CDK14: variants seen among roughly 807,000 people sequenced by gnomAD.
CDK14 encodes the protein cyclin dependent kinase 14.
Under a neutral mutation model 60.7 loss-of-function variants are expected in CDK14, and 34 were observed. The ratio of observed to expected loss-of-function variants is 0.56; its 90% CI spans 0.43 to 0.75. CDK14 has a LOEUF of 0.75. Ranked by LOEUF, CDK14 falls within the 30% of genes least tolerant of loss-of-function variation. CDK14 has a pLI of 0.00. For missense variants in CDK14, 482 were observed against 564.1 expected, an observed-to-expected ratio of 0.85 and a Z score of 1.47; for synonymous variants, 197 against 203.7, an observed-to-expected ratio of 0.97 and a Z score of 0.28.
At chr7:91,011,862 C>A (rs948329846) in intron 10 of CDK14, among the ~76,000 whole-genome samples, 1 of 151,554 alleles carries the variant, frequency 6.6e-6, no homozygotes, top group African/African-American at 2.4e-5. Flanking sequence ...TATGGAATAC[C>A]TATGTAATTT....
At chr7:91,120,335 AT>A (rs142471632) in intron 14 of CDK14, among the ~76,000 whole-genome samples, 8,284 of 152,244 alleles carry the variant, frequency 0.054, 386 homozygotes, top group East Asian at 0.23. Flanking sequence ...TTGAAAAGAG[AT>A]TTTTTTAAAA....
At chr7:90,796,872 T>G (rs899058413) in intron 5 of CDK14, among the ~76,000 whole-genome samples, 15 of 151,904 alleles carry the variant, frequency 9.9e-5, no homozygotes, top group African/African-American at 3.6e-4. Flanking sequence ...ATGTATAACA[T>G]TTTTGTGGAA....
At chr7:90,774,989 A>C (rs930661796) in intron 4 of CDK14, among the ~76,000 whole-genome samples, 18 of 152,198 alleles carry the variant, frequency 1.2e-4, no homozygotes, top group African/African-American at 4.1e-4. Context: ...ATGGTGGTGA[A>C]TCAGTGATGT....
At chr7:91,148,144 G>A (rs1350270617) in intron 14 of CDK14, among the ~76,000 whole-genome samples, 1 of 152,128 alleles carries the variant, frequency 6.6e-6, no homozygotes, top group East Asian at 1.9e-4. Flanking sequence ...AGAGGATAAG[G>A]CAGGAGGATC....
intron 3 of CDK14, among the ~76,000 whole-genome samples, chr7:90,740,268 T>TAGAGAG (rs72006322): frequency 1.2e-3 from 168 of 143,132 alleles, no homozygotes; most frequent in Non-Finnish European, 1.8e-3. Context: ...TATATATATA[T>TAGAGAG]ATAGAGAGAG....
intron 14 of CDK14, among the ~76,000 whole-genome samples, chr7:91,204,653 AAG>A (rs1362617310): frequency 6.6e-6 from 1 of 152,264 alleles, no homozygotes; most frequent in Non-Finnish European, 1.5e-5. Flanking sequence ...AGCCACATGA[AAG>A]AGTCCCCAAC....
rs557481067 is a variant in CDK14, at chr7:91,205,262, A to G, written c.*29-1903A>G. 2.6e-5 allele frequency among the ~76,000 whole-genome samples: 4 copies of G among 152,362 alleles called. No individual in the cohort carries two copies. The South Asian group carries it at 6.2e-4, about 24-fold the overall frequency. On this transcript the variant is annotated intron_variant, in intron 14 of 14. Transcript: ENST00000380050. Reference sequence around the variant, plus strand: ...AATATTCAGAGCAGCACTATTCACTATTAGCCAAAAGATGAAACAACACAA... The same window carrying G: ...AATATTCAGAGCAGCACTATTCACTGTTAGCCAAAAGATGAAACAACACAA...
chr7:91,067,186 T>C (rs1458220477), intron 11 of CDK14, among the ~76,000 whole-genome samples: 1 of 152,268 alleles, frequency 6.6e-6, no homozygotes, highest in East Asian at 1.9e-4. Flanking sequence ...AACACCTTTT[T>C]GTTTTCAAAA....
In CDK14 at chr7:91,184,569, AAG is replaced by A. The variant is rs1486433645; in HGVS notation, c.*29-22591_*29-22590del. Reference sequence around the variant, plus strand: ...ATCTTCTTAATCAAAGACAGGAAGAAAGAGAGTCTGAGTGGGAGCATGTGAGG... The same window carrying A: ...ATCTTCTTAATCAAAGACAGGAAGAAAGAGTCTGAGTGGGAGCATGTGAGG... On this transcript the variant is annotated intron_variant, in intron 14 of 14. Coordinates refer to ENST00000380050, the MANE Select transcript of CDK14 (RefSeq NM_001287135.2). 3.3e-5 allele frequency among the ~76,000 whole-genome samples: 5 copies of A among 152,310 alleles called. No homozygotes were observed. In the South Asian group the frequency reaches 1.0e-3, roughly 32 times the overall value.
chr7:90,684,321 A>C (rs535519955), intron 2 of CDK14, among the ~76,000 whole-genome samples: 2 of 152,336 alleles, frequency 1.3e-5, no homozygotes, highest in South Asian at 4.1e-4. Flanking sequence ...TGAAGTTTTT[A>C]TAAACATATA....
In CDK14 at chr7:90,609,465, A is replaced by C. The variant is rs75536777; in HGVS notation, c.123+5216A>C. Among the ~76,000 whole-genome samples the C allele has an allele frequency of 6.0e-3, 910 of 152,186 alleles. 7 individuals carry two copies. The highest frequency in any genetic ancestry group is 0.019 in the African/African-American group (793 of 41,488). On this transcript the variant is annotated intron_variant, in intron 2 of 14. Coordinates refer to ENST00000380050, the MANE Select transcript of CDK14 (RefSeq NM_001287135.2). ...GATCCTTCTTGAATGATTTAGAACC[A>C]TCCCCTTGGTGCTGTTCTGGTGATA... is the stretch of plus-strand genomic sequence containing the variant.
chr7:90,605,250 G>C (rs1799393954), intron 2 of CDK14, among the ~76,000 whole-genome samples: 1 of 152,174 alleles, frequency 6.6e-6, no homozygotes. Flanking sequence ...GCTCCAGGCT[G>C]GGATTTCTGG....
At chr7:90,646,045 C>T (rs1281813293) in intron 2 of CDK14, among the ~76,000 whole-genome samples, 1 of 152,178 alleles carries the variant, frequency 6.6e-6, no homozygotes, top group African/African-American at 2.4e-5. Flanking sequence ...CAGTTGTGAG[C>T]TCTGGGTAAC....
At chr7:90,707,095 A>T (rs1187806258) in intron 2 of CDK14, among the ~76,000 whole-genome samples, 2 of 152,084 alleles carry the variant, frequency 1.3e-5, no homozygotes, top group African/African-American at 2.4e-5. Flanking sequence ...TTGATCTATC[A>T]TCTGAGCTCC....
intron 13 of CDK14, among the ~76,000 whole-genome samples, chr7:91,113,345 C>T (rs1286699811): frequency 6.6e-6 from 1 of 152,218 alleles, no homozygotes; most frequent in Non-Finnish European, 1.5e-5. Context: ...TCTTTTAAAA[C>T]ACATTCCTGG....
chr7:91,044,508 CT>C (rs1338665624), intron 10 of CDK14, among the ~76,000 whole-genome samples: 4 of 152,240 alleles, frequency 2.6e-5, no homozygotes, highest in Non-Finnish European at 5.9e-5. Context: ...GATGTTTCTG[CT>C]GGTCAGCTGT....
chr7:90,699,368 A>G (rs922157790), intron 2 of CDK14, among the ~76,000 whole-genome samples: 3 of 152,238 alleles, frequency 2.0e-5, no homozygotes, highest in Admixed American at 6.5e-5. Flanking sequence ...GGATTGCAAT[A>G]ACGCTTGCTT....
chr7:90,760,004 A>G (rs956591538), intron 4 of CDK14, among the ~76,000 whole-genome samples: 3 of 152,218 alleles, frequency 2.0e-5, no homozygotes, highest in Admixed American at 6.5e-5. Context: ...AATGAGAACA[A>G]TGAAGGAATT....
At chr7:91,196,518 C>G (rs1802547995) in intron 14 of CDK14, among the ~76,000 whole-genome samples, 1 of 152,204 alleles carries the variant, frequency 6.6e-6, no homozygotes, top group African/African-American at 2.4e-5. Context: ...GATCTTATAG[C>G]AGGGGTTATT....
Sources: gnomAD v4.1 joint callset for allele counts (sites outside exome capture counted in the v4.1 genomes callset) on GRCh38, gnomAD v4.1.1 for gene constraint, MANE v1.5 for transcripts, NCBI Gene and HGNC (gene_info 2026-07-23, HGNC 2026-07-21) for gene names.